CPNE4: variants seen among roughly 807,000 people sequenced by gnomAD.
CPNE4 encodes copine-4.
A neutral mutation model predicts 67.9 loss-of-function variants in CPNE4; 25 were observed. The ratio of observed to expected loss-of-function variants is 0.37; its 90% confidence interval spans 0.27 to 0.51. CPNE4 has a LOEUF of 0.51. Among genes scored for constraint, CPNE4 ranks in the 20% least tolerant of loss-of-function variants. CPNE4 has a pLI of 0.93. For missense variants in CPNE4, 464 were observed against 690.8 expected (o/e 0.67, Z 3.68); for synonymous variants, 242 against 244.9 (o/e 0.99, Z 0.11).
intron 7 of CPNE4, 100 bp from the exon 8 acceptor site, chr3:131,587,682 T>C: frequency 1.2e-6 from 1 of 849,688 alleles, no homozygotes; most frequent in Non-Finnish European, 1.9e-6. Context: ...TGAAAGATGT[T>C]TGGTCTGGAA....
chr3:131,757,097 A>T (rs2082769120), intron 2 of CPNE4, among the ~76,000 whole-genome samples: 1 of 152,202 alleles, frequency 6.6e-6, no homozygotes. Context: ...GGACTAATAC[A>T]GTAAATTGGT....
chr3:132,035,173 C>G, upstream of CPNE4: 2 of 444,034 alleles, frequency 4.5e-6, no homozygotes, highest in Non-Finnish European at 6.0e-6. Flanking sequence ...CCTGCCGCGC[C>G]CGCAGTCTGG....
chr3:131,858,138 A>G (rs1426210516), intron 2 of CPNE4, among the ~76,000 whole-genome samples: 1 of 152,152 alleles, frequency 6.6e-6, no homozygotes, highest in Admixed American at 6.6e-5. Context: ...CTTAAAGCCA[A>G]GAGAATTAAA....
At chr3:131,535,517 T>G (rs1205941854) in intron 15 of CPNE4, among the ~76,000 whole-genome samples, 188 bp from the exon 16 acceptor site, 2 of 152,274 alleles carry the variant, frequency 1.3e-5, no homozygotes, top group Non-Finnish European at 2.9e-5. Context: ...TTCATTATTA[T>G]ATATTTTTAT....
intron 1 of CPNE4, among the ~76,000 whole-genome samples, chr3:132,019,331 C>T (rs1224076433): frequency 6.6e-6 from 1 of 152,120 alleles, no homozygotes; most frequent in African/African-American, 2.4e-5. Context: ...AACTTCTACA[C>T]TAAGACTTTA....
At chr3:131,656,071 G>C (rs200410940) in intron 7 of CPNE4, among the ~76,000 whole-genome samples, 3 of 51,074 alleles carry the variant, frequency 5.9e-5, no homozygotes, top group Non-Finnish European at 8.0e-5. Context: ...TTTTTTTTTT[G>C]TGACTTGCAT....
intron 1 of CPNE4, among the ~76,000 whole-genome samples, chr3:131,935,657 G>A (rs936704971): frequency 2.0e-5 from 3 of 152,088 alleles, no homozygotes; most frequent in Non-Finnish European, 4.4e-5. Context: ...AAAACTGTAT[G>A]ACCAGAAGAT....
In CPNE4 at chr3:131,662,376, A is replaced by C. The variant is rs968081582; in HGVS notation, c.681+7299T>G. 1.1e-4 allele frequency among the ~76,000 whole-genome samples: 16 copies of C among 152,296 alleles called. 1 individual carries two copies. The highest frequency in any genetic ancestry group is 6.5e-4 in the Admixed American group (10 of 15,286). ...ATGAATAGTTGGATGTAATCAAAAA[A>C]CAGGTGTTAAGGATTTCTTATAGGA... On this transcript the variant is annotated intron_variant, in intron 7 of 15. Coordinates refer to ENST00000429747, the MANE Select transcript of CPNE4 (RefSeq NM_130808.3).
At chr3:131,844,706 A>C (rs1442763019) in intron 2 of CPNE4, among the ~76,000 whole-genome samples, 1 of 152,228 alleles carries the variant, frequency 6.6e-6, no homozygotes, top group Non-Finnish European at 1.5e-5. Flanking sequence ...AAAAGATATT[A>C]GCTCATAAAA....
At chr3:131,807,200 C>T (rs1000254933) in intron 2 of CPNE4, among the ~76,000 whole-genome samples, 2 of 152,130 alleles carry the variant, frequency 1.3e-5, no homozygotes, top group African/African-American at 4.8e-5. Flanking sequence ...GTGTAGGTAT[C>T]AGGGAAAGGG....
At chr3:131,944,010 A>G (rs2071475757) in intron 1 of CPNE4, among the ~76,000 whole-genome samples, 1 of 152,078 alleles carries the variant, frequency 6.6e-6, no homozygotes, top group Non-Finnish European at 1.5e-5. Context: ...CACCATGCTT[A>G]TTATGGTGGG....
chr3:131,984,636 G>A (rs2072998065), intron 1 of CPNE4, among the ~76,000 whole-genome samples: 1 of 152,074 alleles, frequency 6.6e-6, no homozygotes, highest in Non-Finnish European at 1.5e-5. Flanking sequence ...GCATATGCTG[G>A]CCCATCTTCC....
chr3:131,859,102 A>T (rs1209736601), intron 2 of CPNE4, among the ~76,000 whole-genome samples: 1 of 152,202 alleles, frequency 6.6e-6, no homozygotes, highest in Non-Finnish European at 1.5e-5. Context: ...GGACATGTTT[A>T]CACAAGCCAA....
intron 2 of CPNE4, among the ~76,000 whole-genome samples, chr3:131,767,055 T>A (rs1445519132): frequency 6.6e-6 from 1 of 152,186 alleles, no homozygotes; most frequent in African/African-American, 2.4e-5. Flanking sequence ...TCTCCTTATG[T>A]GGATGCCTGT....
chr3:131,620,534 T>C (rs953805010), intron 7 of CPNE4: 2 of 847,502 alleles, frequency 2.4e-6, no homozygotes, highest in African/African-American at 3.7e-5. Context: ...AGTATGTCCA[T>C]ACCCTTATCC....
intron 1 of CPNE4, among the ~76,000 whole-genome samples, chr3:131,954,580 T>C (rs1221570559): frequency 2.0e-5 from 3 of 152,198 alleles, no homozygotes; most frequent in African/African-American, 7.2e-5. Flanking sequence ...ATGTGCCATG[T>C]TGGTGTGGTG....
chr3:131,996,095 C>A (rs1483108783), intron 1 of CPNE4, among the ~76,000 whole-genome samples: 1 of 152,210 alleles, frequency 6.6e-6, no homozygotes, highest in Non-Finnish European at 1.5e-5. Context: ...CCTCAGCTTT[C>A]TTCCCTCTTG....
chr3:131,952,802 G>C (rs1302814028), intron 1 of CPNE4, among the ~76,000 whole-genome samples: 10 of 152,204 alleles, frequency 6.6e-5, no homozygotes, highest in Non-Finnish European at 1.5e-4. Flanking sequence ...AATAGAAAGG[G>C]GGGAAAGGTG....
At position 131,575,217 on chromosome 3, in the gene CPNE4, A is replaced by C. The variant is rs1263206590; in HGVS notation, c.868-87T>G. ...GAGGCCTAAAGGTTGGTGACTGATA[A>C]GCTGCTAAACCAGAGGAAAGGGCAG... On this transcript the variant is annotated intron_variant, in intron 9 of 15. Coordinates refer to ENST00000429747, the MANE Select transcript of CPNE4 (RefSeq NM_130808.3). The C allele has an allele frequency of 3.5e-6, 4 of 1,131,692 alleles. No homozygotes were observed. In the African/African-American group the frequency reaches 6.2e-5, roughly 17 times the overall value. 70.1% of individuals were successfully genotyped at this position (1,131,692 alleles called of 1,614,324 possible).
Sources: gnomAD v4.1 joint callset for allele counts (sites outside exome capture counted in the v4.1 genomes callset) on GRCh38, gnomAD v4.1.1 for gene constraint, MANE v1.5 for transcripts, NCBI Gene and HGNC (gene_info 2026-07-23, HGNC 2026-07-21) for gene names.